PHF24: variants seen among roughly 807,000 people sequenced by gnomAD.
PHF24 encodes the protein Galpha inhibitory interacting protein.
Under a neutral mutation model 42.6 loss-of-function variants are expected in PHF24, and 25 were observed. The observed-to-expected ratio is 0.59, with a 90% CI of 0.43 to 0.82. The LOEUF is 0.82. PHF24 is among the 40% of genes least tolerant of loss of function. PHF24 has a pLI of 0.00. For synonymous variants in PHF24, 185 were observed against 204.8 expected (o/e 0.90, Z 0.83); for missense variants, 470 against 538.1 (o/e 0.87, Z 1.25).
chr9:34,790,299 G>A, the PHF24 span, among the ~76,000 whole-genome samples: 2 of 152,364 alleles, frequency 1.3e-5, no homozygotes, highest in Admixed American at 1.3e-4. Flanking sequence ...CATTTCTCGT[G>A]TAAGGTTGGG....
the PHF24 span, among the ~76,000 whole-genome samples, chr9:34,694,159 CTTTTTTTTTTTTTT>C: frequency 1.8e-4 from 12 of 66,180 alleles, no homozygotes; most frequent in Admixed American, 2.1e-4. Context: ...TATCTCTATT[CTTTTTTTTTTTTTT>C]TTTTTTTTTT....
chr9:34,900,029 A>G, the PHF24 span, among the ~76,000 whole-genome samples: 2 of 152,174 alleles, frequency 1.3e-5, no homozygotes, highest in Non-Finnish European at 2.9e-5. Context: ...TGATGAAACT[A>G]TGTCTCTCCC....
the PHF24 span, chr9:34,725,920 G>C: frequency 1.9e-6 from 3 of 1,551,868 alleles, no homozygotes; most frequent in Admixed American, 5.9e-5. Flanking sequence ...GGGACTCACT[G>C]TGCAGAGAAG....
the PHF24 span, among the ~76,000 whole-genome samples, chr9:34,930,780 T>G: frequency 5.9e-5 from 9 of 152,234 alleles, no homozygotes; most frequent in Non-Finnish European, 8.8e-5. Flanking sequence ...ACTCCAATTC[T>G]AATGTTAAAA....
At chr9:34,929,780 G>C in the PHF24 span, among the ~76,000 whole-genome samples, 1 of 152,188 alleles carries the variant, frequency 6.6e-6, no homozygotes. Context: ...TTTGTGATCA[G>C]CCTCCTGAGA....
chr9:34,834,090 G>A, the PHF24 span: 1 of 1,478,820 alleles, frequency 6.8e-7, no homozygotes, highest in Non-Finnish European at 9.2e-7. Flanking sequence ...GGCATCCAGG[G>A]CATAACTTTG....
At chr9:34,819,820 C>T in the PHF24 span, among the ~76,000 whole-genome samples, 1 of 152,110 alleles carries the variant, frequency 6.6e-6, no homozygotes, top group Admixed American at 6.6e-5. Flanking sequence ...TGTCAAGTTG[C>T]TTCCAAGTAT....
the PHF24 span, among the ~76,000 whole-genome samples, chr9:34,906,093 G>A: frequency 6.6e-6 from 1 of 152,126 alleles, no homozygotes; most frequent in Admixed American, 6.5e-5. Context: ...AACAGGGAGG[G>A]GGGAAAGGAA....
the PHF24 span, among the ~76,000 whole-genome samples, chr9:34,877,493 TTGTTTAGTAGGTACAGAGTTTC>T: frequency 6.6e-6 from 1 of 151,998 alleles, no homozygotes; most frequent in Non-Finnish European, 1.5e-5. Flanking sequence ...GAGGGAGTTA[TTGTTTAGTAGGTACAGAGTTTC>T]TGTTTGGTAT....
At chr9:34,835,899 C>G in the PHF24 span, 4 of 867,974 alleles carry the variant, frequency 4.6e-6, no homozygotes, top group East Asian at 1.1e-4. Context: ...AAGAGGAGAC[C>G]TGTGATGGAC....
chr9:34,936,533 G>A, the PHF24 span, among the ~76,000 whole-genome samples: 3,203 of 145,090 alleles, frequency 0.022, 45 homozygotes, highest in African/African-American at 0.03. Flanking sequence ...GCCGCCCATC[G>A]TCTGGGATGT....
chr9:34,709,133 C>T, the PHF24 span: 2 of 572,218 alleles, frequency 3.5e-6, no homozygotes, highest in Admixed American at 3.3e-5. Context: ...GGGGACAGTC[C>T]TGCTGCCTCC....
At chr9:34,858,701 C>T in the PHF24 span, among the ~76,000 whole-genome samples, 4 of 152,144 alleles carry the variant, frequency 2.6e-5, no homozygotes, top group Non-Finnish European at 5.9e-5. Flanking sequence ...GGTTTGGAAT[C>T]TTTTAGTTCT....
chr9:34,756,058 T>G, the PHF24 span, among the ~76,000 whole-genome samples: 59 of 152,114 alleles, frequency 3.9e-4, no homozygotes, highest in African/African-American at 1.4e-3. Context: ...AGTTTTAAAG[T>G]TTTTGGTCTT....
At chr9:34,836,086 G>T in the PHF24 span, 1 of 536,944 alleles carries the variant, frequency 1.9e-6, no homozygotes, top group South Asian at 1.5e-5. Context: ...ATTAATGATG[G>T]AGTAGCATCT....
chr9:34,669,061 C>T, the PHF24 span, among the ~76,000 whole-genome samples: 21,279 of 152,140 alleles, frequency 0.14, 1,602 homozygotes, highest in Admixed American at 0.19. Context: ...GCCCCCACTT[C>T]GAGTTGTCCC....
At chr9:34,967,029 A>T (rs1826798174) in intron 1 of PHF24, among the ~76,000 whole-genome samples, 1 of 152,122 alleles carries the variant, frequency 6.6e-6, no homozygotes, top group African/African-American at 2.4e-5. Context: ...GGCATGTGCC[A>T]CTATGCCTAG....
At chr9:34,889,189 T>A in the PHF24 span, 5 of 398,648 alleles carry the variant, frequency 1.3e-5, no homozygotes, top group African/African-American at 1.0e-4. Flanking sequence ...CTCCTTTTTC[T>A]TGTGATGGGT....
At chr9:34,793,947 G>C in the PHF24 span, among the ~76,000 whole-genome samples, 1 of 151,634 alleles carries the variant, frequency 6.6e-6, no homozygotes, top group African/African-American at 2.4e-5. Flanking sequence ...TGGAATCATG[G>C]GAAGTGGTCC....
Sources: allele counts gnomAD v4.1 joint callset (sites outside exome capture counted in the v4.1 genomes callset), GRCh38; gene constraint gnomAD v4.1.1; transcripts MANE v1.5; gene names NCBI Gene and HGNC (gene_info 2026-07-23, HGNC 2026-07-21).